EVC: variants seen among roughly 807,000 people sequenced by gnomAD.
EVC encodes evC complex member EVC.
Under a neutral mutation model 118.9 loss-of-function variants are expected in EVC, and 116 were observed. The ratio of observed to expected loss-of-function variants is 0.98; its 90% CI spans 0.84 to 1.14. The LOEUF is 1.14. Among genes scored for constraint, EVC ranks in the 50% most tolerant of loss-of-function variants. The pLI, the probability that EVC is intolerant of heterozygous loss-of-function variation, is 0.00. For missense variants in EVC, 1,401 were observed against 1,246.4 expected (o/e 1.12, Z -1.87); for synonymous variants, 619 against 534.7 (o/e 1.16, Z -2.18).
intron 1 of EVC, among the ~76,000 whole-genome samples, chr4:5,713,700 T>TA (rs1723449363): frequency 4.9e-5 from 5 of 101,286 alleles, no homozygotes; most frequent in African/African-American, 2.1e-4. Context: ...AAAAAAAAAT[T>TA]AGAGACCAGC....
intron 1 of EVC, among the ~76,000 whole-genome samples, chr4:5,712,517 G>A (rs756915139): frequency 7.2e-5 from 11 of 152,178 alleles, no homozygotes; most frequent in Non-Finnish European, 1.6e-4. Context: ...TTAGGTCCTT[G>A]CAACTTCTGC....
At chr4:5,824,850 T>C in the EVC span, 5 of 985,306 alleles carry the variant, frequency 5.1e-6, no homozygotes, top group African/African-American at 8.7e-5. Flanking sequence ...CCTGCCCTCA[T>C]GTGGCCATCT....
chr4:5,775,244 C>T (rs568620931), intron 11 of EVC, among the ~76,000 whole-genome samples: 1 of 152,106 alleles, frequency 6.6e-6, no homozygotes, highest in Non-Finnish European at 1.5e-5. Context: ...AGTGTTTTTA[C>T]TGTGAAATAT....
rs533601858 is a variant in EVC at position 5,776,338 on chromosome 4, G to C, written c.1564-7214G>C. 3.9e-5 allele frequency among the ~76,000 whole-genome samples: 6 copies of C among 152,056 alleles called. 1 individual carries two copies. In the South Asian group the frequency reaches 1.2e-3, roughly 32 times the overall value. On this transcript the variant is annotated intron_variant, in intron 11 of 20. Coordinates refer to ENST00000264956, the MANE Select transcript of EVC (RefSeq NM_153717.3). The stretch of plus-strand genomic sequence containing the variant: ...GACTATTTTATCTGCTATTCATGTA[G>C]CAAAAAGTGACCCTGTGTTTACTAG...
chr4:5,801,942 T>G lies in EVC; in HGVS notation c.2305-8T>G. 6.2e-7 allele frequency: 1 copy of G among 1,612,278 alleles called. No homozygotes were observed. Among genetic ancestry groups the G allele is most frequent in the Non-Finnish European group, 8.5e-7 (1 of 1,179,618 alleles). On this transcript the variant is annotated splice_polypyrimidine_tract_variant and splice_region_variant and intron_variant, in intron 15 of 20. Transcript: ENST00000264956. Reference sequence around the variant, plus strand: ...TCTGCTGTCCCTGTCCTTCCTTTCTTCCCTCAGAGGACACTGATGGAGGCG... The same window carrying G: ...TCTGCTGTCCCTGTCCTTCCTTTCTGCCCTCAGAGGACACTGATGGAGGCG...
At chr4:5,816,651 C>T (rs1245099923), downstream of EVC, among the ~76,000 whole-genome samples, 1 of 139,050 alleles carries the variant, frequency 7.2e-6, no homozygotes, top group Non-Finnish European at 1.6e-5. Context: ...TCTCTCCCTT[C>T]CCTCCCTCCT....
intron 17 of EVC, among the ~76,000 whole-genome samples, chr4:5,807,593 G>A (rs553835318): frequency 1.3e-5 from 2 of 152,310 alleles, no homozygotes; most frequent in South Asian, 4.1e-4. Context: ...AGAGAGGGAG[G>A]TGGGCCCTGG....
At chr4:5,827,628 A>C in the EVC span, among the ~76,000 whole-genome samples, 1,011 of 152,164 alleles carry the variant, frequency 6.6e-3, 10 homozygotes, top group African/African-American at 0.021. Flanking sequence ...GCGCACACAC[A>C]CACACTCCAA....
chr4:5,828,337 G>C, the EVC span: 5 of 1,425,610 alleles, frequency 3.5e-6, no homozygotes, highest in Non-Finnish European at 3.7e-6. Flanking sequence ...CAGGAGCCCA[G>C]GCCAGCGTCT....
chr4:5,719,474 G>C lies in EVC; in HGVS notation c.300+101G>C, dbSNP rs1281732507. 4 of 1,557,194 alleles carry C rather than the reference G, an allele frequency of 2.6e-6. No homozygotes were observed. Among genetic ancestry groups the C allele is most frequent in the Admixed American group, 1.7e-5 (1 of 59,656 alleles). On this transcript the variant is annotated intron_variant, in intron 2 of 20. Transcript: ENST00000264956. This position sits in a 1 kb window ranked among gnomAD's most constrained non-coding sequence, Gnocchi z 4.7. ...TGTAGACAAGCCTCTGACAGATATA[G>C]TTTCCCAATGGGCTGCTTTTCTGAG...
At chr4:5,729,141 C>G (rs1379110849) in intron 2 of EVC, among the ~76,000 whole-genome samples, 166 bp from the exon 3 acceptor site, 2 of 152,116 alleles carry the variant, frequency 1.3e-5, no homozygotes, top group Non-Finnish European at 2.9e-5. Flanking sequence ...CCCATCCATC[C>G]ATTTTCCTTC....
rs150543109 is a variant in EVC at position 5,744,155 on chromosome 4, T to C, written c.802-1049T>C. 1.7e-4 allele frequency among the ~76,000 whole-genome samples: 26 copies of C among 152,230 alleles called. 1 individual carries two copies. The East Asian group carries it at 4.6e-3, about 27-fold the overall frequency. ...AAAACTTTCAGAAGAGGACAAGGAG[T>C]GCCCAGAATTTGGAAGAGTAAGGAC... On this transcript the variant is annotated intron_variant, in intron 6 of 20. Coordinates refer to ENST00000264956, the MANE Select transcript of EVC (RefSeq NM_153717.3).
intron 5 of EVC, among the ~76,000 whole-genome samples, chr4:5,733,815 G>C (rs2291153): frequency 0.31 from 46,550 of 152,038 alleles, 7,488 homozygotes; most frequent in African/African-American, 0.39. Flanking sequence ...TGCTATGTAC[G>C]AGGTCCCAGG....
Position 5,798,481 on chromosome 4 carries a change from C to G in EVC, c.2098-105C>G, listed in dbSNP as rs1208113017. The G allele has an allele frequency of 8.3e-7, 1 of 1,211,852 alleles. No homozygotes were observed. Among genetic ancestry groups the G allele is most frequent in the Non-Finnish European group, 1.2e-6 (1 of 841,864 alleles). 75.1% of individuals were successfully genotyped at this position (1,211,852 alleles called of 1,614,324 possible). A position where few individuals can be genotyped will look rare whatever the true frequency, so the allele number is the denominator to read the frequency against. On this transcript the variant is annotated intron_variant, in intron 14 of 20. Coordinates refer to ENST00000264956, the MANE Select transcript of EVC (RefSeq NM_153717.3). The surrounding 1 kb of genome is among the most constrained non-coding windows in gnomAD (Gnocchi z 4.1). ...TTTCTGCCCTTTCTCCATCCCTTTT[C>G]CAACCCCTGGGCCCTGGATAGGACC...
rs1716854174 is a variant in EVC at position 5,811,099 on chromosome 4, C to T, written c.*62C>T. On this transcript the variant is annotated 3_prime_UTR_variant, in exon 21 of 21. Transcript: ENST00000264956. ...GGGTCTGGGTGTGAATTCCACCTTC[C>T]CTCCTGCAGTGCTGAGAGGCAGCGA... The T allele has an allele frequency of 3.7e-6, 5 of 1,356,478 alleles. No homozygotes were observed. The highest frequency in any genetic ancestry group is 5.2e-6 in the Non-Finnish European group (5 of 962,298). The allele number at this position is 1,356,478 out of a possible 1,614,324, so 84.0% of individuals were successfully genotyped here. A position where few individuals can be genotyped will look rare whatever the true frequency, so the allele number is the denominator to read the frequency against.
At chr4:5,801,156 T>C (rs1477470535) in intron 15 of EVC, among the ~76,000 whole-genome samples, 1 of 152,162 alleles carries the variant, frequency 6.6e-6, no homozygotes, top group Non-Finnish European at 1.5e-5. Context: ...AAATAGAAGT[T>C]ACCCCATACC....
intron 5 of EVC, among the ~76,000 whole-genome samples, chr4:5,733,704 C>T (rs758528367): frequency 4.6e-5 from 7 of 152,172 alleles, no homozygotes; most frequent in Non-Finnish European, 8.8e-5. Flanking sequence ...GCTACACCTC[C>T]TGCTGGAGAT....
At chr4:5,730,595 T>G (rs1465369789) in intron 3 of EVC, among the ~76,000 whole-genome samples, 1 of 151,852 alleles carries the variant, frequency 6.6e-6, no homozygotes, top group Admixed American at 6.6e-5. Flanking sequence ...CCTCACTGCC[T>G]GAGTGGATTG....
chr4:5,783,494 A>T, intron 11 of EVC, 58 bp from the exon 12 acceptor site: 1 of 1,540,580 alleles, frequency 6.5e-7, no homozygotes, highest in East Asian at 2.2e-5. Context: ...AGAGCAGCTC[A>T]GGCCCCACAC....
Sources: gnomAD v4.1 joint callset for allele counts (sites outside exome capture counted in the v4.1 genomes callset) on GRCh38, gnomAD v4.1.1 for gene constraint, Gnocchi (gnomAD v3.1) non-coding constraint, MANE v1.5 for transcripts, NCBI Gene and HGNC (gene_info 2026-07-23, HGNC 2026-07-21) for gene names.